The following GALNT13 variants were observed in gnomAD, a reference collection of about 807,000 sequenced individuals.
GALNT13 encodes UDP-GalNAc:polypeptide N-acetylgalactosaminyltransferase 13.
Under a neutral mutation model 64.2 loss-of-function variants are expected in GALNT13, and 28 were observed. The ratio of observed to expected loss-of-function variants is 0.44; its 90% confidence interval spans 0.32 to 0.60. GALNT13 has a LOEUF of 0.60. Ranked by LOEUF, GALNT13 falls within the 20% of genes least tolerant of loss-of-function variation. The probability of loss-of-function intolerance (pLI) is 0.05; values close to 1 mark genes in which losing one functional copy is unlikely to be tolerated. For synonymous variants in GALNT13, 214 were observed against 224.6 expected (o/e 0.95, Z 0.42); for missense variants, 577 against 669.8 (o/e 0.86, Z 1.53).
the GALNT13 span, among the ~76,000 whole-genome samples, chr2:153,581,686 G>A: frequency 7.9e-6 from 1 of 126,976 alleles, no homozygotes; most frequent in East Asian, 2.5e-4. Context: ...AAGACACATA[G>A]CCATTAATTA....
chr2:153,373,901 G>A, the GALNT13 span, among the ~76,000 whole-genome samples: 3 of 151,866 alleles, frequency 2.0e-5, no homozygotes, highest in Non-Finnish European at 1.5e-5. Flanking sequence ...TTTTCTTAAC[G>A]TTATGTCAAG....
the GALNT13 span, among the ~76,000 whole-genome samples, chr2:153,486,603 C>T: frequency 6.6e-6 from 1 of 152,240 alleles, no homozygotes; most frequent in South Asian, 2.1e-4. Flanking sequence ...AGTGCTCTCT[C>T]ATCTGTTAAT....
the GALNT13 span, among the ~76,000 whole-genome samples, chr2:153,406,447 G>T: frequency 6.6e-6 from 1 of 151,556 alleles, no homozygotes; most frequent in South Asian, 2.1e-4. Context: ...TCACTCTGTT[G>T]CCCAAGCTGG....
At chr2:153,365,419 C>T in the GALNT13 span, among the ~76,000 whole-genome samples, 1 of 152,154 alleles carries the variant, frequency 6.6e-6, no homozygotes, top group Non-Finnish European at 1.5e-5. Flanking sequence ...AGCACTTCTG[C>T]ACAGCAATAG....
At chr2:153,262,282 A>G in the GALNT13 span, among the ~76,000 whole-genome samples, 6 of 152,280 alleles carry the variant, frequency 3.9e-5, no homozygotes, top group East Asian at 1.2e-3. Context: ...ATTCATCGGC[A>G]GTTGATGAAT....
At chr2:153,710,580 C>T in the GALNT13 span, among the ~76,000 whole-genome samples, 1 of 151,986 alleles carries the variant, frequency 6.6e-6, no homozygotes. Context: ...TGTATATTAA[C>T]CTTTAAAGGA....
the GALNT13 span, among the ~76,000 whole-genome samples, chr2:153,151,632 A>G: frequency 2.4e-4 from 37 of 152,156 alleles, no homozygotes; most frequent in Non-Finnish European, 4.7e-4. Context: ...CATATACACC[A>G]TGAAATACTA....
At chr2:154,301,726 G>A (rs1038425569) in intron 9 of GALNT13, 137 bp downstream of exon 9, 2 of 575,420 alleles carry the variant, frequency 3.5e-6, no homozygotes, top group South Asian at 3.3e-5. Flanking sequence ...AACGGCATAT[G>A]AGAAAGTTGT....
chr2:154,331,236 T>C (rs943431999), intron 9 of GALNT13, among the ~76,000 whole-genome samples: 9 of 152,048 alleles, frequency 5.9e-5, no homozygotes. Context: ...GCTGAAAAGA[T>C]TATCGTCTGA....
At chr2:153,110,618 T>C in the GALNT13 span, among the ~76,000 whole-genome samples, 1 of 152,150 alleles carries the variant, frequency 6.6e-6, no homozygotes, top group Non-Finnish European at 1.5e-5. Context: ...GGCAGGAGAC[T>C]AATGTCTTGG....
rs2105362732 is a variant in GALNT13, at chr2:154,396,105, C to G, written c.1271C>G (p.Pro424Arg). The G allele has an allele frequency of 6.2e-7, 1 of 1,605,768 alleles. No individual in the cohort carries two copies. Among genetic ancestry groups the G allele is most frequent in the East Asian group, 2.3e-5 (1 of 44,334 alleles). ...LENIYPDSQI[P>R]RRYYSLGEIR... The stretch of plus-strand genomic sequence containing the variant: ...AACATCTATCCGGACTCCCAGATCC[C>G]AAGACGTTATTACTCACTTGGTGAG... The change falls in exon 10 of 13, where the codon CCA (proline) becomes CGA (arginine). Residue 424 changes from proline (P) to arginine (R), a missense_variant. By Grantham distance (103) the Pro-to-Arg change is moderately radical. Transcript: ENST00000392825.
chr2:154,318,028 A>G (rs1357658460), intron 9 of GALNT13, among the ~76,000 whole-genome samples: 1 of 152,158 alleles, frequency 6.6e-6, no homozygotes, highest in African/African-American at 2.4e-5. Flanking sequence ...GATACACAAG[A>G]CAAATGCCTT....
the GALNT13 span, among the ~76,000 whole-genome samples, chr2:153,502,823 T>C: frequency 6.6e-6 from 1 of 152,268 alleles, no homozygotes; most frequent in Non-Finnish European, 1.5e-5. Flanking sequence ...TTCATTTGCA[T>C]TTCCCTAATA....
chr2:154,391,282 A>G (rs964885299), intron 9 of GALNT13, among the ~76,000 whole-genome samples: 1 of 152,140 alleles, frequency 6.6e-6, no homozygotes, highest in Non-Finnish European at 1.5e-5. Context: ...TTATTTGCCC[A>G]TTCCTGAGTC....
intron 4 of GALNT13, among the ~76,000 whole-genome samples, chr2:154,156,532 A>C (rs777199926): frequency 6.6e-6 from 1 of 152,160 alleles, no homozygotes; most frequent in African/African-American, 2.4e-5. Flanking sequence ...CTGAATTATG[A>C]CCTGGAATTT....
chr2:153,632,336 G>T, the GALNT13 span, among the ~76,000 whole-genome samples: 1 of 152,174 alleles, frequency 6.6e-6, no homozygotes, highest in Non-Finnish European at 1.5e-5. Flanking sequence ...TGGTAGATTT[G>T]TTACAGTTGA....
At chr2:154,282,911 A>G (rs967950347) in intron 8 of GALNT13, among the ~76,000 whole-genome samples, 1 of 152,170 alleles carries the variant, frequency 6.6e-6, no homozygotes, top group Non-Finnish European at 1.5e-5. Context: ...GAAGTTAAAA[A>G]TAGGTCAAGA....
At chr2:154,123,124 C>G (rs973884603) in intron 3 of GALNT13, among the ~76,000 whole-genome samples, 3 of 151,744 alleles carry the variant, frequency 2.0e-5, no homozygotes, top group African/African-American at 4.8e-5. Context: ...CATTTTTAAA[C>G]AAAAAGCTGA....
Position 153,881,892 on chromosome 2 carries a change from T to G in GALNT13, c.-177+9589T>G. 1.3e-5 allele frequency among the ~76,000 whole-genome samples: 2 copies of G among 152,246 alleles called. 1 individual carries two copies. The highest frequency in any genetic ancestry group is 4.1e-4 in the South Asian group (2 of 4,820). ...CATTTATCTCAACAGAGATCCTTAT[T>G]TGAATCATTCTGAAGAACATTATTA... On this transcript the variant is annotated intron_variant, in intron 1 of 12. Coordinates refer to ENST00000392825, the MANE Select transcript of GALNT13 (RefSeq NM_052917.4).
Sources: gnomAD v4.1 joint callset for allele counts (sites outside exome capture counted in the v4.1 genomes callset) on GRCh38, gnomAD v4.1.1 for gene constraint, MANE v1.5 for transcripts, NCBI Gene and HGNC (gene_info 2026-07-23, HGNC 2026-07-21) for gene names.